The following DIP2C variants were observed in gnomAD, a reference collection of about 807,000 sequenced individuals.
The protein encoded by DIP2C is DIP2 acetate--CoA ligase C (putative), also known as disco-interacting protein 2 homolog C.
DIP2C carries 33 observed loss-of-function variants against 192.4 expected under a neutral mutation model. That is an observed-to-expected ratio of 0.17 (90% CI 0.13 to 0.23). The LOEUF (loss-of-function observed/expected upper bound fraction) is 0.23. Among genes scored for constraint, DIP2C ranks in the 10% least tolerant of loss-of-function variants. The pLI, the probability that DIP2C is intolerant of heterozygous loss-of-function variation, is 1.00. For synonymous variants in DIP2C, 979 were observed against 864.1 expected, an observed-to-expected ratio of 1.13 and a Z score of -2.33; for missense variants, 1,537 against 2,110.1, an observed-to-expected ratio of 0.73 and a Z score of 5.32.
In DIP2C at chr10:445,842, GTC is replaced by G. The variant is rs544604609; in HGVS notation, c.269-4848_269-4847del. Among the ~76,000 whole-genome samples the G allele has an allele frequency of 5.6e-4, 85 of 151,780 alleles. 1 individual carries two copies. The highest frequency in any genetic ancestry group is 2.0e-3 in the African/African-American group (81 of 41,302). Reference sequence around the variant, plus strand: ...CATCTGTATACATCTGCTGTGAAGAGTCTATCTTGCACTGGCCATCTGTATAC... The same window carrying G: ...CATCTGTATACATCTGCTGTGAAGAGTATCTTGCACTGGCCATCTGTATAC... On this transcript the variant is annotated intron_variant, in intron 3 of 36. Transcript: ENST00000280886.
At chr10:525,904 G>A (rs1206602592) in intron 1 of DIP2C, among the ~76,000 whole-genome samples, 1 of 152,192 alleles carries the variant, frequency 6.6e-6, no homozygotes, top group Non-Finnish European at 1.5e-5. Context: ...GCAGGTCTGT[G>A]CCCAGGAATC....
intron 1 of DIP2C, among the ~76,000 whole-genome samples, chr10:662,347 G>A (rs970094024): frequency 6.6e-6 from 1 of 152,224 alleles, no homozygotes; most frequent in Non-Finnish European, 1.5e-5. Context: ...AGATAACGCG[G>A]ACAAAGTGAG....
In DIP2C at chr10:349,362, G is replaced by A. The variant is rs45485096; in HGVS notation, c.3078C>T (p.Asp1026=). The part of the protein sequence containing the change: ...VMLMERGHLQ[D]GDHVALVYPP... Reference sequence around the variant, plus strand: ...GGTAGACCAAGGCCACGTGGTCGCCGTCCTGAAGGTGGCCCCTCTCCATCA... The same window carrying A: ...GGTAGACCAAGGCCACGTGGTCGCCATCCTGAAGGTGGCCCCTCTCCATCA... Residue 1026 remains aspartate (D), a synonymous_variant, in exon 25 of 37, where the codon GAC becomes GAT. Transcript: ENST00000280886. The A allele has an allele frequency of 0.012, 18,662 of 1,610,144 alleles. 154 individuals are homozygous for A. The highest frequency in any genetic ancestry group is 0.015 in the Admixed American group (892 of 59,992).
intron 5 of DIP2C, among the ~76,000 whole-genome samples, chr10:422,565 T>G (rs1261438152): frequency 6.6e-6 from 1 of 151,900 alleles, no homozygotes; most frequent in Non-Finnish European, 1.5e-5. Flanking sequence ...GGAGCATAAG[T>G]GAGAAGAAAA....
At chr10:384,495 C>T (rs754775637) in intron 15 of DIP2C, 51 bp downstream of exon 15, 5 of 1,582,970 alleles carry the variant, frequency 3.2e-6, no homozygotes, top group Admixed American at 1.7e-5. Context: ...GCTTTGGCCT[C>T]CTAAAGCGCT....
At chr10:302,798 T>C (rs1029197249) in intron 32 of DIP2C, among the ~76,000 whole-genome samples, 21 of 152,152 alleles carry the variant, frequency 1.4e-4, no homozygotes, top group African/African-American at 5.1e-4. Context: ...TAAAAAATGG[T>C]GCACCCATAT....
At chr10:311,864 G>A (rs181099727) in intron 31 of DIP2C, among the ~76,000 whole-genome samples, 6 of 152,236 alleles carry the variant, frequency 3.9e-5, no homozygotes, top group Admixed American at 1.3e-4. Flanking sequence ...TAACCACGGC[G>A]CAGGGACACA....
chr10:532,101 A>C (rs1490611998), intron 1 of DIP2C, among the ~76,000 whole-genome samples: 1 of 152,042 alleles, frequency 6.6e-6, no homozygotes, highest in Non-Finnish European at 1.5e-5. Flanking sequence ...GCTCCCTCCT[A>C]AACCAGAAAG....
chr10:614,253 T>A (rs536724285), intron 1 of DIP2C, among the ~76,000 whole-genome samples: 23 of 152,360 alleles, frequency 1.5e-4, no homozygotes, highest in African/African-American at 5.3e-4. Flanking sequence ...CAGAGAAGCC[T>A]GCAGTTTTCC....
intron 1 of DIP2C, among the ~76,000 whole-genome samples, chr10:503,446 T>C (rs1190333316): frequency 6.6e-6 from 1 of 152,152 alleles, no homozygotes; most frequent in Non-Finnish European, 1.5e-5. Flanking sequence ...CTACTATACA[T>C]AAATTTAACA....
intron 1 of DIP2C, among the ~76,000 whole-genome samples, chr10:548,257 G>T (rs1848404392): frequency 1.7e-5 from 2 of 120,802 alleles, no homozygotes; most frequent in South Asian, 6.0e-4. Flanking sequence ...AGGGCCCCCA[G>T]GTGGGTAAGG....
intron 1 of DIP2C, among the ~76,000 whole-genome samples, chr10:565,587 T>TAA (rs1849423644): frequency 6.6e-6 from 1 of 152,194 alleles, no homozygotes; most frequent in Non-Finnish European, 1.5e-5. Flanking sequence ...ACCTAGAATT[T>TAA]AAAACCATGG....
At chr10:661,739 C>A (rs910339164) in intron 1 of DIP2C, among the ~76,000 whole-genome samples, 1 of 152,200 alleles carries the variant, frequency 6.6e-6, no homozygotes, top group Admixed American at 6.5e-5. Flanking sequence ...TTGACCTGCA[C>A]TTCTATGTAG....
At chr10:418,658 A>G (rs1047128692) in intron 6 of DIP2C, among the ~76,000 whole-genome samples, 6 of 152,342 alleles carry the variant, frequency 3.9e-5, no homozygotes, top group East Asian at 3.9e-4. Flanking sequence ...CTAAAGCAAC[A>G]TATCAGCCCA....
chr10:404,648 G>C (rs1222674093), intron 9 of DIP2C, among the ~76,000 whole-genome samples: 1 of 152,218 alleles, frequency 6.6e-6, no homozygotes, highest in East Asian at 1.9e-4. Flanking sequence ...GATGGTCATT[G>C]AGAGGGGAGC....
At chr10:626,366 AG>A (rs1466861058) in intron 1 of DIP2C, among the ~76,000 whole-genome samples, 4 of 151,420 alleles carry the variant, frequency 2.6e-5, no homozygotes, top group Non-Finnish European at 5.9e-5. Flanking sequence ...CTGGGGTGGG[AG>A]GGGCGGCAGC....
At chr10:359,564 A>G (rs1401517712) in intron 22 of DIP2C, among the ~76,000 whole-genome samples, 1 of 152,116 alleles carries the variant, frequency 6.6e-6, no homozygotes, top group Non-Finnish European at 1.5e-5. Context: ...CTTAGTTCTT[A>G]ATGAAGTATG....
intron 1 of DIP2C, among the ~76,000 whole-genome samples, chr10:566,894 T>G (rs1258978972): frequency 6.6e-6 from 1 of 152,214 alleles, no homozygotes; most frequent in Non-Finnish European, 1.5e-5. Flanking sequence ...GAACCAAGGC[T>G]TGGATGAGAG....
In DIP2C at chr10:415,821, T is replaced by C. The variant is rs1386387632; in HGVS notation, c.807A>G (p.Lys269=). The change falls in exon 7 of 37, where the codon AAA becomes AAG. Residue 269 remains lysine, a synonymous_variant. Coordinates refer to ENST00000280886, the MANE Select transcript of DIP2C (RefSeq NM_014974.3). ...CAAAGAATTCTCGTAAAGGTGGTCG[T>C]TTCGGTCGTTTGAGGGTATTGACAA... ...QQLVNTLKRP[K]RPPLREFFVD... The C allele has an allele frequency of 6.2e-7, 1 of 1,613,962 alleles. No homozygotes were observed. The highest frequency in any genetic ancestry group is 1.7e-5 in the Admixed American group (1 of 59,996).
Sources: allele counts gnomAD v4.1 joint callset (sites outside exome capture counted in the v4.1 genomes callset), GRCh38; gene constraint gnomAD v4.1.1; transcripts MANE v1.5; gene names NCBI Gene and HGNC (gene_info 2026-07-23, HGNC 2026-07-21).